The following TCTN3 variants were observed in gnomAD, a reference collection of about 807,000 sequenced individuals.
TCTN3 encodes tectonic-3.
TCTN3 carries 57 observed loss-of-function variants against 71.3 expected under a neutral mutation model. The observed-to-expected ratio is 0.80, with a 90% CI of 0.65 to 1.00. TCTN3 has a LOEUF of 1.00. Among genes scored for constraint, TCTN3 ranks in the 50% least tolerant of loss-of-function variants. The pLI is 0.00. For missense variants in TCTN3, 696 were observed against 719.9 expected (o/e 0.97, Z 0.38); for synonymous variants, 258 against 267.8 (o/e 0.96, Z 0.36).
intron 13 of TCTN3, among the ~76,000 whole-genome samples, chr10:95,664,907 G>T (rs919856659): frequency 4.6e-5 from 7 of 152,316 alleles, no homozygotes; most frequent in African/African-American, 1.7e-4. Flanking sequence ...AATTCCCTTT[G>T]TTTTGACTCA....
intron 3 of TCTN3, 73 bp downstream of exon 3, chr10:95,692,847 A>T: frequency 9.2e-7 from 1 of 1,089,002 alleles, no homozygotes; most frequent in South Asian, 1.3e-5. Context: ...TCTTCTTCCA[A>T]TGTGGGCCAG....
chr10:95,687,639 A>G lies in TCTN3; in HGVS notation c.580T>C (p.Ser194Pro), dbSNP rs1425106859. The change falls in exon 4 of 14, where the codon TCA becomes CCA. Residue 194 changes from serine (S) to proline (P), a missense_variant. By Grantham distance (74) the Ser-to-Pro change is moderately conservative. Transcript: ENST00000371217. ...TGAGTTTGGAATGTTGAAGTGAATGATTCGCCTCCAAACTCTGCAGCCAGG... is the reference window on the plus strand; with the variant it reads ...TGAGTTTGGAATGTTGAAGTGAATGGTTCGCCTCCAAACTCTGCAGCCAGG... ...QALAAEFGGE[S>P]FTSTFQTQSP... The G allele has an allele frequency of 1.9e-6, 3 of 1,614,188 alleles. No homozygotes were observed. The highest frequency in any genetic ancestry group is 1.7e-5 in the Admixed American group (1 of 60,020).
rs2097954146 is a variant in TCTN3 at position 95,692,224 on chromosome 10, T to TGTGGCCAGGCGC, written c.499+684_499+695dup. On this transcript the variant is annotated intron_variant, in intron 3 of 13. Coordinates refer to ENST00000371217, the MANE Select transcript of TCTN3 (RefSeq NM_015631.6). ...CCAACAGAACATAAAAAGTTGCAAA[T>TGTGGCCAGGCGC]GTGGCCAGGCGCGGTGGCTCACACC... Among the ~76,000 whole-genome samples, 3 of 152,214 alleles carry TGTGGCCAGGCGC rather than the reference T, an allele frequency of 2.0e-5. No homozygotes were observed. In the South Asian group the frequency reaches 6.2e-4, roughly 32 times the overall value.
chr10:95,693,090 C>A, intron 2 of TCTN3, 52 bp from the exon 3 acceptor site: 1 of 1,410,646 alleles, frequency 7.1e-7, no homozygotes, highest in Non-Finnish European at 9.8e-7. Context: ...GGGGCAGGTC[C>A]AAAAAAGAGT....
At position 95,663,900 on chromosome 10, in the gene TCTN3, T is replaced by C. The variant is rs751205750; in HGVS notation, c.*167A>G. ...GCTATGATGAATAAAATATTTTTAT[T>C]GCTTTTCTAAAATAACTCCTTTCAT... On this transcript the variant is annotated 3_prime_UTR_variant, in exon 14 of 14. Transcript: ENST00000371217. The C allele has an allele frequency of 1.8e-5, 11 of 621,244 alleles. No homozygotes were observed. Among genetic ancestry groups the C allele is most frequent in the Non-Finnish European group, 2.5e-5 (9 of 353,808 alleles). The allele number at this position is 621,244 out of a possible 1,614,324, so 38.5% of individuals were successfully genotyped here. A position where few individuals can be genotyped will look rare whatever the true frequency, so the allele number is the denominator to read the frequency against.
At position 95,680,524 on chromosome 10, in the gene TCTN3, G is replaced by A. The variant is rs756561177; in HGVS notation, c.1538C>T (p.Pro513Leu). ...LWAYVGLLSN[P>L]QAHVSGVRFL... ...TCGAACTCCTGATACATGAGCTTGC[G>A]GGTTGGACAGGAGACCTACATATGC... The change falls in exon 13 of 14, where the codon CCG becomes CTG. Residue 513 changes from proline (P) to leucine (L), a missense_variant. Transcript: ENST00000371217. 5.5e-5 allele frequency: 89 copies of A among 1,613,990 alleles called. No individual in the cohort carries two copies. Among genetic ancestry groups the A allele is most frequent in the Non-Finnish European group, 6.9e-5 (82 of 1,180,014 alleles).
At chr10:95,689,097 TTGC>T (rs1384933412) in intron 3 of TCTN3, among the ~76,000 whole-genome samples, 3 of 152,170 alleles carry the variant, frequency 2.0e-5, no homozygotes, top group Admixed American at 6.5e-5. Flanking sequence ...ACTTTTCAGC[TTGC>T]TGAAAAGTCA....
At chr10:95,691,837 T>A (rs1418403249) in intron 3 of TCTN3, among the ~76,000 whole-genome samples, 4 of 152,324 alleles carry the variant, frequency 2.6e-5, no homozygotes, top group Middle Eastern at 3.4e-3. Flanking sequence ...AGCGCTTTCA[T>A]ATACAAAGCC....
chr10:95,663,955 A>T lies in TCTN3; in HGVS notation c.*112T>A. ...AAGGATTCCTTCAGTTAGGTCCTCT[A>T]TTATCCTAAATGCTCTCTGGTCATG... is the stretch of plus-strand genomic sequence containing the variant. On this transcript the variant is annotated 3_prime_UTR_variant, in exon 14 of 14. Transcript: ENST00000371217. 1 of 822,910 alleles carries T rather than the reference A, an allele frequency of 1.2e-6. No homozygotes were observed. The allele number at this position is 822,910 out of a possible 1,614,324, so 51.0% of individuals were successfully genotyped here.
Position 95,684,716 on chromosome 10 carries a change from TAAC to T in TCTN3, c.970-95_970-93del. The stretch of plus-strand genomic sequence containing the variant: ...TTTTCTGTCTTCAAGGGTGTTATTA[TAAC>T]TAAATGAGGCAGACTGAAACAGTAA... On this transcript the variant is annotated intron_variant, in intron 8 of 13. Coordinates refer to ENST00000371217, the MANE Select transcript of TCTN3 (RefSeq NM_015631.6). The T allele has an allele frequency of 2.1e-6, 3 of 1,410,724 alleles. No homozygotes were observed. The South Asian group carries it at 4.1e-5, about 19-fold the overall frequency. 87.4% of individuals were successfully genotyped at this position (1,410,724 alleles called of 1,614,324 possible). A position where few individuals can be genotyped will look rare whatever the true frequency, so the allele number is the denominator to read the frequency against.
chr10:95,667,869 T>G (rs1036370341), intron 13 of TCTN3, among the ~76,000 whole-genome samples: 1 of 152,168 alleles, frequency 6.6e-6, no homozygotes, highest in Non-Finnish European at 1.5e-5. Flanking sequence ...TCACAGAGCT[T>G]TCAGTCAGCT....
rs1183619244 is a variant in TCTN3 at position 95,683,593 on chromosome 10, G to A, written c.1132C>T (p.Pro378Ser). The A allele has an allele frequency of 6.2e-7, 1 of 1,614,058 alleles. No individual in the cohort carries two copies. Among genetic ancestry groups the A allele is most frequent in the East Asian group, 2.2e-5 (1 of 44,868 alleles). ...QQSTAASLTS[P>S]RSGNPGYIVG... ...ATATAGCCAGGATTCCCACTTCTAG[G>A]ACTGGTGAGAGAAGCAGCTGTGCTC... The change falls in exon 10 of 14, where the codon CCT (proline) becomes TCT (serine). Residue 378 changes from proline (P) to serine (S), a missense_variant. Pro to Ser is a moderately conservative substitution (Grantham distance 74). Coordinates refer to ENST00000371217, the MANE Select transcript of TCTN3 (RefSeq NM_015631.6).
Position 95,684,499 on chromosome 10 carries a change from C to T in TCTN3, c.1095G>A (p.Arg365=). Residue 365 remains arginine (R), a splice_region_variant and synonymous_variant, in exon 9 of 14, where the codon AGG becomes AGA. Coordinates refer to ENST00000371217, the MANE Select transcript of TCTN3 (RefSeq NM_015631.6). ...TCCCCTATAAGAGAAGGGCCCTAAC[C>T]CTGAAGCGAAGGATGAAGTGTTGCT... is the stretch of plus-strand genomic sequence containing the variant. ...SLQQHFILRF[R]AFQQSTAASL... 6.2e-7 allele frequency: 1 copy of T among 1,613,854 alleles called. No homozygotes were observed.
rs1223795200 is a variant in TCTN3, at chr10:95,664,070, C to T, written c.1821G>A (p.Met607Ile). The change falls in exon 14 of 14, where the codon ATG becomes ATA. Residue 607 changes from methionine (M) to isoleucine (I), a missense_variant. Met to Ile is a conservative substitution (Grantham distance 10, BLOSUM62 1). Coordinates refer to ENST00000371217, the MANE Select transcript of TCTN3 (RefSeq NM_015631.6). ...AAATCTGATTATTTTCTTTTCTTCA[C>T]ATAGTCTCTAGGTTGAGAACTCCAA... Reference protein sequence around the residue: ...LLLGVLNLETM With the variant: ...LLLGVLNLETI 6.2e-7 allele frequency: 1 copy of T among 1,613,456 alleles called. No homozygotes were observed. Among genetic ancestry groups the T allele is most frequent in the Admixed American group, 1.7e-5 (1 of 59,956 alleles).
In TCTN3 at chr10:95,687,297, T is replaced by C; in HGVS notation, c.686A>G (p.Gln229Arg). ...PKWSVISLLR[Q>R]PAGVGAGGLC... ...TCCCCCAGCTCCAACTCCTGCAGGT[T>C]GTCTCAGCAAGCTTATTACAGACCA... Residue 229 changes from glutamine (Q) to arginine (R), a missense_variant, in exon 5 of 14, where the codon CAA (glutamine) becomes CGA (arginine). By Grantham distance (43) the Gln-to-Arg change is conservative (BLOSUM62 1). Transcript: ENST00000371217. 1 of 1,614,194 alleles carries C rather than the reference T, an allele frequency of 6.2e-7. No individual in the cohort carries two copies. Among genetic ancestry groups the C allele is most frequent in the Non-Finnish European group, 8.5e-7 (1 of 1,180,036 alleles).
At chr10:95,677,491 T>TTTTTTTTTTTTTTTTTTTTTTTTTTTTG (rs2097938579) in intron 13 of TCTN3, among the ~76,000 whole-genome samples, 1 of 146,090 alleles carries the variant, frequency 6.8e-6, no homozygotes, top group Non-Finnish European at 1.5e-5. Context: ...TTGTTTTTTT[T>TTTTTTTTTTTTTTTTTTTTTTTTTTTTG]TTTTTTTTTT....
intron 13 of TCTN3, among the ~76,000 whole-genome samples, chr10:95,668,018 GCA>G (rs1317825958): frequency 6.6e-6 from 1 of 152,072 alleles, no homozygotes; most frequent in Non-Finnish European, 1.5e-5. Flanking sequence ...AGATGAAGAT[GCA>G]AAGTTGTTAG....
chr10:95,683,074 G>A, intron 11 of TCTN3, 27 bp downstream of exon 11: 1 of 1,593,016 alleles, frequency 6.3e-7, no homozygotes, highest in Non-Finnish European at 8.6e-7. Flanking sequence ...CGAAATTGCA[G>A]GAAATGATGC....
intron 13 of TCTN3, among the ~76,000 whole-genome samples, chr10:95,666,002 G>A (rs1020728417): frequency 6.6e-6 from 1 of 150,716 alleles, no homozygotes; most frequent in African/African-American, 2.4e-5. Flanking sequence ...GTGCAGTGGC[G>A]TGATCTCGGC....
Sources: allele counts gnomAD v4.1 joint callset (sites outside exome capture counted in the v4.1 genomes callset), GRCh38; gene constraint gnomAD v4.1.1; transcripts MANE v1.5; gene names NCBI Gene and HGNC (gene_info 2026-07-23, HGNC 2026-07-21).